The following WDR27 variants were observed in gnomAD, a reference collection of about 807,000 sequenced individuals.
WDR27 encodes WD repeat-containing protein 27.
Under a neutral mutation model 114.4 loss-of-function variants are expected in WDR27, and 100 were observed. The observed-to-expected ratio is 0.87, with a 90% CI of 0.74 to 1.03. The LOEUF (loss-of-function observed/expected upper bound fraction) is 1.03, where lower values mean the gene tolerates loss of function less well. Among genes scored for constraint, WDR27 ranks in the 50% least tolerant of loss-of-function variants. The probability of loss-of-function intolerance (pLI) is 0.00; values close to 1 mark genes in which losing one functional copy is unlikely to be tolerated. For synonymous variants in WDR27, 449 were observed against 423.1 expected, an observed-to-expected ratio of 1.06 and a Z score of -0.75; for missense variants, 1,129 against 1,092.9, an observed-to-expected ratio of 1.03 and a Z score of -0.47.
chr6:169,435,165 A>G, the WDR27 span, among the ~76,000 whole-genome samples: 3 of 152,232 alleles, frequency 2.0e-5, no homozygotes, highest in African/African-American at 7.2e-5. Context: ...ACAGAAGTCA[A>G]GAATTGAGGT....
intron 24 of WDR27, among the ~76,000 whole-genome samples, chr6:169,580,938 T>C (rs1803275920): frequency 1.9e-5 from 1 of 52,882 alleles, no homozygotes; most frequent in African/African-American, 4.9e-5. Context: ...GAATTTTATA[T>C]ATATATATAT....
intron 10 of WDR27, 123 bp downstream of exon 10, chr6:169,660,540 T>A: frequency 2.5e-6 from 2 of 794,990 alleles, no homozygotes; most frequent in Non-Finnish European, 4.2e-6. Context: ...TGCTGAGTTG[T>A]GACTGAAGCA....
At chr6:169,526,455 A>G (rs1412965890) in intron 25 of WDR27, among the ~76,000 whole-genome samples, 1 of 152,094 alleles carries the variant, frequency 6.6e-6, no homozygotes, top group Non-Finnish European at 1.5e-5. Flanking sequence ...TCTACTAAAA[A>G]TACAAAAATC....
intron 24 of WDR27, among the ~76,000 whole-genome samples, chr6:169,582,120 C>T (rs1803557598): frequency 6.6e-6 from 1 of 152,098 alleles, no homozygotes; most frequent in Non-Finnish European, 1.5e-5. Context: ...ATTATACGCG[C>T]CCACCACCAT....
chr6:169,430,480 G>A, the WDR27 span, among the ~76,000 whole-genome samples: 1 of 152,226 alleles, frequency 6.6e-6, no homozygotes, highest in African/African-American at 2.4e-5. Context: ...GGCTTCTGTG[G>A]CTGTTTTGTC....
chr6:169,461,647 T>TAAAAAAAAAA (rs143277767), intron 25 of WDR27, among the ~76,000 whole-genome samples: 1 of 138,050 alleles, frequency 7.2e-6, no homozygotes, highest in Non-Finnish European at 1.6e-5. Context: ...ATGCTTGTAT[T>TAAAAAAAAAA]AAAAAAAAAA....
intron 1 of WDR27, among the ~76,000 whole-genome samples, chr6:169,692,016 A>C (rs189939526): frequency 1.3e-5 from 2 of 152,382 alleles, no homozygotes; most frequent in Admixed American, 1.3e-4. Flanking sequence ...TGCAAATTCC[A>C]TGAGACAGGC....
intron 25 of WDR27, among the ~76,000 whole-genome samples, chr6:169,519,542 C>T (rs1794101295): frequency 6.6e-6 from 1 of 151,938 alleles, no homozygotes; most frequent in South Asian, 2.1e-4. Context: ...GTGCCATATA[C>T]TTAAACAACC....
At chr6:169,700,015 C>G (rs1412823424) in intron 1 of WDR27, among the ~76,000 whole-genome samples, 1 of 152,176 alleles carries the variant, frequency 6.6e-6, no homozygotes, top group Non-Finnish European at 1.5e-5. Context: ...AAGGGAATTC[C>G]TCCCAGATAG....
chr6:169,616,188 A>G (rs576646866), intron 21 of WDR27, among the ~76,000 whole-genome samples: 1 of 152,300 alleles, frequency 6.6e-6, no homozygotes, highest in African/African-American at 2.4e-5. Context: ...GCAAAACTCA[A>G]TAGAATTACA....
rs376239890 is a variant in WDR27 at position 169,632,975 on chromosome 6, C to T, written c.2195G>A (p.Arg732Gln). ...SAAVIAEAHS[R>Q]PVHQICQNKG... ...ATTTTGGCAGATTTGATGGACAGGC[C>T]GTGAGTGGGCTTCCGCTATCACCGC... The change falls in exon 21 of 26, where the codon CGG becomes CAG. Residue 732 changes from arginine (R) to glutamine (Q), a missense_variant. Physicochemically the swap from Arg to Gln is conservative, Grantham distance 43. Transcript: ENST00000448612. 145 of 1,593,754 alleles carry T rather than the reference C, an allele frequency of 9.1e-5. No individual in the cohort carries two copies. The highest frequency in any genetic ancestry group is 3.6e-4 in the Middle Eastern group (2 of 5,596).
intron 4 of WDR27, chr6:169,670,353 G>A (rs1018605102): frequency 2.4e-6 from 1 of 425,424 alleles, no homozygotes. Flanking sequence ...ATTCCATAAA[G>A]AGTTTTAATA....
intron 24 of WDR27, among the ~76,000 whole-genome samples, chr6:169,572,905 T>C (rs1356969480): frequency 1.3e-5 from 2 of 152,136 alleles, no homozygotes; most frequent in Non-Finnish European, 2.9e-5. Flanking sequence ...TTGAAAACCA[T>C]GTCAATGTCC....
At chr6:169,597,872 A>G (rs543720481) in intron 23 of WDR27, among the ~76,000 whole-genome samples, 12 of 112,594 alleles carry the variant, frequency 1.1e-4, no homozygotes, top group Non-Finnish European at 2.2e-4. Context: ...ACCTCTTACC[A>G]TTCATACACA....
intron 1 of WDR27, among the ~76,000 whole-genome samples, chr6:169,697,318 T>C (rs1786400255): frequency 6.6e-6 from 1 of 152,100 alleles, no homozygotes; most frequent in African/African-American, 2.4e-5. Flanking sequence ...GGCTCCTTGG[T>C]CTAGCGGTAA....
At chr6:169,543,337 A>G (rs1023541293) in intron 25 of WDR27, among the ~76,000 whole-genome samples, 1 of 152,118 alleles carries the variant, frequency 6.6e-6, no homozygotes, top group Non-Finnish European at 1.5e-5. Context: ...ATTTAAAGCC[A>G]GAATAATCCC....
intron 17 of WDR27, among the ~76,000 whole-genome samples, chr6:169,639,034 TGCGTG>T (rs1818460204): frequency 6.6e-6 from 1 of 151,858 alleles, no homozygotes; most frequent in Admixed American, 6.6e-5. Flanking sequence ...TGCTGGGTAC[TGCGTG>T]GTGCTGGGTA....
At chr6:169,473,154 T>C (rs1438718616) in intron 25 of WDR27, among the ~76,000 whole-genome samples, 1 of 152,172 alleles carries the variant, frequency 6.6e-6, no homozygotes, top group Non-Finnish European at 1.5e-5. Flanking sequence ...GATAAACATA[T>C]TAGGACTTAT....
the WDR27 span, among the ~76,000 whole-genome samples, chr6:169,439,240 T>C: frequency 6.6e-6 from 1 of 152,214 alleles, no homozygotes; most frequent in Admixed American, 6.5e-5. Flanking sequence ...TTAACATTTA[T>C]AAAATTTATA....
Sources: gnomAD v4.1 joint callset for allele counts (sites outside exome capture counted in the v4.1 genomes callset) on GRCh38, gnomAD v4.1.1 for gene constraint, MANE v1.5 for transcripts, NCBI Gene and HGNC (gene_info 2026-07-23, HGNC 2026-07-21) for gene names.